Variants in INPP4B observed in about 807,000 individuals in gnomAD.
INPP4B encodes inositol polyphosphate-4-phosphatase type II B, also known as inositol polyphosphate 4-phosphatase type II.
INPP4B carries 55 observed loss-of-function variants against 122.5 expected under a neutral mutation model. The ratio of observed to expected loss-of-function variants is 0.45; its 90% CI spans 0.36 to 0.56. The LOEUF (loss-of-function observed/expected upper bound fraction) is 0.56, where lower values mean the gene tolerates loss of function less well. Ranked by LOEUF, INPP4B falls within the 20% of genes least tolerant of loss-of-function variation. INPP4B has a pLI of 0.00. For missense variants in INPP4B, 1,000 were observed against 1,097.7 expected, an observed-to-expected ratio of 0.91 and a Z score of 1.26; for synonymous variants, 403 against 388.7, an observed-to-expected ratio of 1.04 and a Z score of -0.43.
chr4:142,737,675 A>G (rs1473304849), intron 1 of INPP4B, among the ~76,000 whole-genome samples: 1 of 152,236 alleles, frequency 6.6e-6, no homozygotes. Context: ...CTGAACAGGC[A>G]ACCTACAGAA....
chr4:142,370,905 A>G (rs1260681570), intron 7 of INPP4B, among the ~76,000 whole-genome samples: 1 of 152,102 alleles, frequency 6.6e-6, no homozygotes, highest in Non-Finnish European at 1.5e-5. Flanking sequence ...ATACCAAGAC[A>G]TTCCTCATAG....
At chr4:142,325,081 C>T (rs1399460754) in intron 7 of INPP4B, among the ~76,000 whole-genome samples, 4 of 152,150 alleles carry the variant, frequency 2.6e-5, no homozygotes, top group Admixed American at 2.0e-4. Flanking sequence ...TTTGGTCTCT[C>T]TAGTTATTTT....
chr4:142,592,882 C>A (rs1737811995), intron 2 of INPP4B, among the ~76,000 whole-genome samples: 1 of 152,012 alleles, frequency 6.6e-6, no homozygotes, highest in Admixed American at 6.6e-5. Context: ...AGGAGGATCG[C>A]TTGAGGTCAG....
At chr4:142,143,910 A>G (rs1033056558) in intron 18 of INPP4B, among the ~76,000 whole-genome samples, 3 of 152,082 alleles carry the variant, frequency 2.0e-5, no homozygotes, top group African/African-American at 7.2e-5. Flanking sequence ...ACATTTAAAT[A>G]GTGACTTCTC....
intron 2 of INPP4B, among the ~76,000 whole-genome samples, chr4:142,517,064 A>C (rs1317693424): frequency 1.3e-5 from 2 of 151,122 alleles, no homozygotes. Flanking sequence ...TCTAGTTTGC[A>C]TATGACTAGA....
chr4:142,624,111 A>G (rs1745675703), intron 2 of INPP4B, among the ~76,000 whole-genome samples: 1 of 150,766 alleles, frequency 6.6e-6, no homozygotes, highest in Admixed American at 6.6e-5. Flanking sequence ...GTCAAATGGT[A>G]TTTCTAGTTC....
intron 2 of INPP4B, chr4:142,560,717 T>G (rs532245005): frequency 6.6e-6 from 1 of 152,336 alleles, no homozygotes; most frequent in African/African-American, 2.4e-5. Context: ...GTCTGCTCTT[T>G]CCAACATCTT....
At chr4:142,234,033 C>T (rs1260657395) in intron 12 of INPP4B, among the ~76,000 whole-genome samples, 3 of 152,070 alleles carry the variant, frequency 2.0e-5, no homozygotes, top group Non-Finnish European at 4.4e-5. Context: ...AGATACTGTT[C>T]CACTGGGTTC....
chr4:142,796,778 T>G (rs969547834), intron 1 of INPP4B, among the ~76,000 whole-genome samples: 1 of 151,958 alleles, frequency 6.6e-6, no homozygotes, highest in East Asian at 1.9e-4. Context: ...TCATTCACCC[T>G]AGAACATCGG....
intron 22 of INPP4B, among the ~76,000 whole-genome samples, chr4:142,110,746 G>A (rs1399699957): frequency 6.6e-6 from 1 of 152,096 alleles, no homozygotes; most frequent in Non-Finnish European, 1.5e-5. Flanking sequence ...ATGCAAGAGA[G>A]ATGAGAAGGA....
intron 3 of INPP4B, among the ~76,000 whole-genome samples, chr4:142,456,263 TGTA>T (rs1212763932): frequency 3.3e-5 from 5 of 152,064 alleles, no homozygotes; most frequent in African/African-American, 9.7e-5. Context: ...AATGTTTTCT[TGTA>T]GTAGTTTTAT....
chr4:142,657,730 T>A (rs1370658587), intron 2 of INPP4B, among the ~76,000 whole-genome samples: 1 of 152,204 alleles, frequency 6.6e-6, no homozygotes, highest in Middle Eastern at 3.2e-3. Flanking sequence ...ATTGACTAAA[T>A]AGGTTATAAA....
At chr4:142,377,668 T>A (rs570997373) in intron 7 of INPP4B, among the ~76,000 whole-genome samples, 6 of 152,120 alleles carry the variant, frequency 3.9e-5, no homozygotes, top group Non-Finnish European at 8.8e-5. Flanking sequence ...AATATGAGCA[T>A]TCATATGCAG....
At chr4:142,424,118 T>C (rs1375500619) in intron 5 of INPP4B, among the ~76,000 whole-genome samples, 1 of 152,054 alleles carries the variant, frequency 6.6e-6, no homozygotes, top group Non-Finnish European at 1.5e-5. Flanking sequence ...TCTAATCCTG[T>C]TTCCTTTCTT....
At chr4:142,152,568 T>G (rs919926600) in intron 17 of INPP4B, among the ~76,000 whole-genome samples, 1 of 152,152 alleles carries the variant, frequency 6.6e-6, no homozygotes, top group African/African-American at 2.4e-5. Flanking sequence ...CTGAAAATTT[T>G]GGGCGTTTTT....
intron 7 of INPP4B, among the ~76,000 whole-genome samples, chr4:142,400,837 G>C (rs1022713301): frequency 2.6e-5 from 4 of 152,108 alleles, no homozygotes; most frequent in South Asian, 2.1e-4. Context: ...CATAATTAAT[G>C]AGTACATTAG....
rs371020477 is a variant in INPP4B at position 142,146,004 on chromosome 4, A to G, written c.1564-8T>C. ...ATTGGCCCACACCCTGTCCTGAAAA[A>G]AGCATGAGTATCACTACATATTTTT... On this transcript the variant is annotated splice_polypyrimidine_tract_variant and splice_region_variant and intron_variant, in intron 17 of 25. Transcript: ENST00000262992. 3.1e-6 allele frequency: 5 copies of G among 1,608,880 alleles called. No individual in the cohort carries two copies. In the African/African-American group the frequency reaches 6.7e-5, roughly 22 times the overall value.
chr4:142,043,095 T>A (rs1374877057), intron 25 of INPP4B, among the ~76,000 whole-genome samples: 1 of 152,192 alleles, frequency 6.6e-6, no homozygotes, highest in Non-Finnish European at 1.5e-5. Flanking sequence ...GGATTCATCA[T>A]CTCCCCAAAA....
intron 3 of INPP4B, among the ~76,000 whole-genome samples, chr4:142,461,045 C>T (rs1816635023): frequency 6.6e-6 from 1 of 151,978 alleles, no homozygotes; most frequent in African/African-American, 2.4e-5. Flanking sequence ...GTGGTGCATG[C>T]CTGTAGTCCC....
Sources: gnomAD v4.1 joint callset for allele counts (sites outside exome capture counted in the v4.1 genomes callset) on GRCh38, gnomAD v4.1.1 for gene constraint, MANE v1.5 for transcripts, NCBI Gene and HGNC (gene_info 2026-07-23, HGNC 2026-07-21) for gene names.